The following CDK13 variants were observed in gnomAD, a reference collection of about 807,000 sequenced individuals.
CDK13 encodes the protein cyclin-dependent kinase 13.
Under a neutral mutation model 137.6 loss-of-function variants are expected in CDK13, and 40 were observed. The observed-to-expected ratio is 0.29, with a 90% CI of 0.23 to 0.38. The LOEUF is 0.38. Ranked by LOEUF, CDK13 falls within the 10% of genes least tolerant of loss-of-function variation. The probability of loss-of-function intolerance (pLI) is 1.00; values close to 1 mark genes in which losing one functional copy is unlikely to be tolerated. For synonymous variants in CDK13, 869 were observed against 760.1 expected (o/e 1.14, Z -2.36); for missense variants, 1,704 against 1,951.8 (o/e 0.87, Z 2.39).
At position 39,951,755 on chromosome 7, in the gene CDK13, C is replaced by T. The variant is rs1787224566; in HGVS notation, c.1114C>T (p.Arg372Cys). 1 of 1,492,464 alleles carries T rather than the reference C, an allele frequency of 6.7e-7. No individual in the cohort carries two copies. Among genetic ancestry groups the T allele is most frequent in the Non-Finnish European group, 8.8e-7 (1 of 1,133,698 alleles). The allele number at this position is 1,492,464 out of a possible 1,614,324, so 92.5% of individuals were successfully genotyped here. A position where few individuals can be genotyped will look rare whatever the true frequency, so the allele number is the denominator to read the frequency against. ...TCGCCGCCGCTCCCCCAGCTACAGC[C>T]GCCACAGCTCCTACGAGCGGGGCGG... ...YSRRRSPSYS[R>C]HSSYERGGDV... The change falls in exon 1 of 14, where the codon CGC (arginine) becomes TGC (cysteine). Residue 372 changes from arginine to cysteine, a missense_variant. Around this residue, in one of 5 missense-constraint regions of CDK13, gnomAD observed 1,051 missense variants for 931.0 expected, o/e 1.13. Coordinates refer to ENST00000181839, the MANE Select transcript of CDK13 (RefSeq NM_003718.5).
chr7:40,076,468 T>C lies in CDK13; in HGVS notation c.2781-1537T>C, dbSNP rs762568250. On this transcript the variant is annotated intron_variant, in intron 9 of 13. Transcript: ENST00000181839. The stretch of plus-strand genomic sequence containing the variant: ...GGAGTGGCCTGTGGGGAGAGATGCA[T>C]TGGGAAATGAGACTAGGAAGGCAGA... Among the ~76,000 whole-genome samples the C allele has an allele frequency of 4.7e-4, 72 of 151,962 alleles. 1 individual carries two copies. Among genetic ancestry groups the C allele is most frequent in the Non-Finnish European group, 1.2e-4 (8 of 67,994 alleles).
intron 5 of CDK13, among the ~76,000 whole-genome samples, chr7:40,026,176 C>G (rs1445070888): frequency 6.6e-6 from 1 of 152,166 alleles, no homozygotes; most frequent in East Asian, 1.9e-4. Flanking sequence ...ACAAAAGTAC[C>G]TCACCGTTGA....
chr7:40,058,104 G>T (rs1041845461), intron 7 of CDK13, among the ~76,000 whole-genome samples: 1 of 152,070 alleles, frequency 6.6e-6, no homozygotes, highest in Non-Finnish European at 1.5e-5. Flanking sequence ...AAGTAAATTG[G>T]AGCTAAGACC....
intron 9 of CDK13, among the ~76,000 whole-genome samples, chr7:40,075,056 A>C (rs1340200909): frequency 6.6e-6 from 1 of 152,112 alleles, no homozygotes. Context: ...ATTATAATTC[A>C]TGTGTAATAA....
At position 40,014,058 on chromosome 7, in the gene CDK13, C is replaced by CTTTTTTTTTTTTTTT. The variant is rs927741062; in HGVS notation, c.2353+12040_2353+12054dup. On this transcript the variant is annotated intron_variant, in intron 5 of 13. Coordinates refer to ENST00000181839, the MANE Select transcript of CDK13 (RefSeq NM_003718.5). Reference sequence around the variant, plus strand: ...TGATAGGCAAAAAATGCTGTCTTGTCTTTTTTTTTTTTTTTTTTTTTTTTT... The same window carrying CTTTTTTTTTTTTTTT: ...TGATAGGCAAAAAATGCTGTCTTGTCTTTTTTTTTTTTTTTTTTTTTTTTTTTTTTTTTTTTTTTT... 4.9e-5 allele frequency among the ~76,000 whole-genome samples: 3 copies of CTTTTTTTTTTTTTTT among 60,936 alleles called. 1 individual carries two copies. The highest frequency in any genetic ancestry group is 1.5e-4 in the African/African-American group (2 of 13,384). The allele number at this position is 60,936 out of a possible 152,430, so 40.0% of individuals were successfully genotyped here.
Position 39,951,488 on chromosome 7 carries a change from A to C in CDK13, c.847A>C (p.Thr283Pro). Residue 283 changes from threonine (T) to proline (P), a missense_variant, in exon 1 of 14, where the codon ACT (threonine) becomes CCT (proline). Thr to Pro is a conservative substitution (Grantham distance 38, BLOSUM62 -1). This residue lies in a region of CDK13 where 1,051 missense variants were observed against 931.0 expected (regional missense o/e 1.13). Coordinates refer to ENST00000181839, the MANE Select transcript of CDK13 (RefSeq NM_003718.5). ...GGACTCGAAGGCCCACCGCAGCCGGACTAAGTCGTCCAAGGAGCCGCCTTC... is the reference window on the plus strand; with the variant it reads ...GGACTCGAAGGCCCACCGCAGCCGGCCTAAGTCGTCCAAGGAGCCGCCTTC... ...DRDSKAHRSR[T>P]KSSKEPPSAY... 2 of 1,538,748 alleles carry C rather than the reference A, an allele frequency of 1.3e-6. No individual in the cohort carries two copies. Among genetic ancestry groups the C allele is most frequent in the East Asian group, 2.6e-5 (1 of 38,960 alleles).
intron 5 of CDK13, among the ~76,000 whole-genome samples, chr7:40,038,252 C>G (rs1049610246): frequency 6.6e-6 from 1 of 152,010 alleles, no homozygotes; most frequent in Admixed American, 6.6e-5. Context: ...GTACCTTTTT[C>G]TTTTCATTTA....
chr7:40,073,202 T>TA (rs1786460962), intron 9 of CDK13: 1 of 152,068 alleles, frequency 6.6e-6, no homozygotes, highest in African/African-American at 2.4e-5. Flanking sequence ...TAATGTAACA[T>TA]ACCACAGTGA....
rs1475958730 is a variant in CDK13, at chr7:40,098,450, TA to T, written c.*3471del. On this transcript the variant is annotated 3_prime_UTR_variant, in exon 14 of 14. Coordinates refer to ENST00000181839, the MANE Select transcript of CDK13 (RefSeq NM_003718.5). ...AAAGGTGAATCCTTCTTGTAGGACA[TA>T]GGTAAAAAAAACAAAGCTGAAATAT... The T allele has an allele frequency of 2.0e-5, 3 of 151,724 alleles. No individual in the cohort carries two copies. The highest frequency in any genetic ancestry group is 7.3e-5 in the African/African-American group (3 of 41,356). The allele number at this position is 151,724 out of a possible 1,614,324, so 9.4% of individuals were successfully genotyped here.
intron 2 of CDK13, among the ~76,000 whole-genome samples, chr7:39,989,324 T>C (rs1443763312): frequency 6.6e-6 from 1 of 151,850 alleles, no homozygotes; most frequent in East Asian, 1.9e-4. Flanking sequence ...TTTTTATTTT[T>C]ATGAAGAAAT....
Position 39,951,788 on chromosome 7 carries a change from TC to T in CDK13, c.1151del (p.Pro384LeufsTer60). On this transcript the variant is annotated frameshift_variant, in exon 1 of 14. Transcript: ENST00000181839. LOFTEE classifies it high-confidence loss of function. ...CTCCTACGAGCGGGGCGGCGACGTGTCCCCTAGTCCCTACAGCAGCAGCAGC... is the reference window on the plus strand; with the variant it reads ...CTCCTACGAGCGGGGCGGCGACGTGTCCCTAGTCCCTACAGCAGCAGCAGC... ...HSSYERGGDV[S>X]PSPYSSSSWR... 1 of 1,460,562 alleles carries T rather than the reference TC, an allele frequency of 6.8e-7. No individual in the cohort carries two copies. The highest frequency in any genetic ancestry group is 9.0e-7 in the Non-Finnish European group (1 of 1,116,760). The allele number at this position is 1,460,562 out of a possible 1,614,324, so 90.5% of individuals were successfully genotyped here. A position where few individuals can be genotyped will look rare whatever the true frequency, so the allele number is the denominator to read the frequency against.
At position 40,094,616 on chromosome 7, in the gene CDK13, A is replaced by G. The variant is rs1408565586; in HGVS notation, c.4175A>G (p.Gln1392Arg). The part of the protein sequence containing the change: ...TASSHSGGPP[Q>R]PSAFSESFPS... ...TCATCTCATTCTGGTGGTCCACCTC[A>G]GCCTTCTGCCTTTTCTGAGTCATTT... The change falls in exon 14 of 14, where the codon CAG becomes CGG. Residue 1392 changes from glutamine (Q) to arginine (R), a missense_variant. Around this residue, in one of 5 missense-constraint regions of CDK13, gnomAD observed 475 missense variants for 579.3 expected, o/e 0.82. Transcript: ENST00000181839. The G allele has an allele frequency of 4.3e-6, 7 of 1,613,914 alleles. No homozygotes were observed. The highest frequency in any genetic ancestry group is 5.9e-6 in the Non-Finnish European group (7 of 1,179,956).
chr7:39,954,744 A>T (rs1787355286), intron 1 of CDK13, among the ~76,000 whole-genome samples: 2 of 152,234 alleles, frequency 1.3e-5, no homozygotes, highest in Non-Finnish European at 1.5e-5. Context: ...ATACACATTC[A>T]AAATAGTATT....
chr7:39,972,916 C>T (rs1784030342), intron 1 of CDK13, among the ~76,000 whole-genome samples: 1 of 152,124 alleles, frequency 6.6e-6, no homozygotes, highest in Non-Finnish European at 1.5e-5. Flanking sequence ...ATATTCATAT[C>T]AGCAACATAT....
intron 1 of CDK13, among the ~76,000 whole-genome samples, chr7:39,981,750 G>A (rs1784228088): frequency 6.6e-6 from 1 of 151,482 alleles, no homozygotes; most frequent in African/African-American, 2.4e-5. Context: ...GAATTCAGTT[G>A]ATATAGTGAT....
At chr7:39,995,002 C>T (rs1784532120) in intron 2 of CDK13, among the ~76,000 whole-genome samples, 2 of 151,240 alleles carry the variant, frequency 1.3e-5, no homozygotes, top group African/African-American at 4.8e-5. Context: ...TATTAGTTTC[C>T]CATATTAAAA....
intron 5 of CDK13, among the ~76,000 whole-genome samples, chr7:40,016,259 C>T (rs917665716): frequency 6.6e-6 from 1 of 152,122 alleles, no homozygotes; most frequent in Non-Finnish European, 1.5e-5. Flanking sequence ...TTTACTTTTG[C>T]CACACAGTAG....
At chr7:39,970,534 C>T (rs544482835) in intron 1 of CDK13, among the ~76,000 whole-genome samples, 4 of 151,322 alleles carry the variant, frequency 2.6e-5, no homozygotes, top group African/African-American at 4.9e-5. Flanking sequence ...GATCTTGGCT[C>T]ACTGCAACCT....
chr7:40,024,406 C>G (rs941920207), intron 5 of CDK13, among the ~76,000 whole-genome samples: 1 of 152,178 alleles, frequency 6.6e-6, no homozygotes, highest in African/African-American at 2.4e-5. Context: ...TCTGAATTTT[C>G]TCGCCACTTT....
Sources: allele counts gnomAD v4.1 joint callset (sites outside exome capture counted in the v4.1 genomes callset), GRCh38; gene constraint gnomAD v4.1.1; regional missense constraint gnomAD v4.1.1; transcripts MANE v1.5; gene names NCBI Gene and HGNC (gene_info 2026-07-23, HGNC 2026-07-21).